Variants in ST6GALNAC3 observed in about 807,000 individuals in gnomAD.
ST6GALNAC3 encodes alpha-N-acetylgalactosaminide alpha-2,6-sialyltransferase 3.
ST6GALNAC3 carries 25 observed loss-of-function variants against 32.7 expected under a neutral mutation model. That is an observed-to-expected ratio of 0.76 (90% CI 0.56 to 1.07). The LOEUF (loss-of-function observed/expected upper bound fraction) is 1.07. Ranked by LOEUF, ST6GALNAC3 falls within the 50% of genes least tolerant of loss-of-function variation. The pLI is 0.00. For synonymous variants in ST6GALNAC3, 129 were observed against 133.1 expected, an observed-to-expected ratio of 0.97 and a Z score of 0.21; for missense variants, 355 against 382.4, an observed-to-expected ratio of 0.93 and a Z score of 0.60.
At chr1:76,246,399 G>T (rs116108919) in intron 1 of ST6GALNAC3, among the ~76,000 whole-genome samples, 3,425 of 152,218 alleles carry the variant, frequency 0.023, 139 homozygotes, top group African/African-American at 0.078. Context: ...GGGGCACTTG[G>T]CTCATTTACT....
intron 3 of ST6GALNAC3, among the ~76,000 whole-genome samples, chr1:76,434,546 A>C (rs1396966088): frequency 6.6e-6 from 1 of 152,230 alleles, no homozygotes; most frequent in Non-Finnish European, 1.5e-5. Context: ...GAATGTAGAC[A>C]TATTAACAAA....
At chr1:76,413,638 A>C (rs1415771723) in intron 3 of ST6GALNAC3, among the ~76,000 whole-genome samples, 1 of 152,132 alleles carries the variant, frequency 6.6e-6, no homozygotes, top group Non-Finnish European at 1.5e-5. Flanking sequence ...AAAAATACAC[A>C]GCTTCATATG....
chr1:76,103,585 G>A (rs1341678207), intron 1 of ST6GALNAC3, among the ~76,000 whole-genome samples: 3 of 152,086 alleles, frequency 2.0e-5, no homozygotes, highest in African/African-American at 4.8e-5. Context: ...CAAATTACTA[G>A]AGACTGGGTA....
intron 1 of ST6GALNAC3, among the ~76,000 whole-genome samples, chr1:76,155,624 C>T (rs935411479): frequency 6.7e-6 from 1 of 150,012 alleles, no homozygotes; most frequent in Non-Finnish European, 1.5e-5. Flanking sequence ...CCCGCCACTA[C>T]GCCTGGCTAA....
At chr1:76,313,577 T>C in intron 1 of ST6GALNAC3, 1 of 644,494 alleles carries the variant, frequency 1.6e-6, no homozygotes, top group Non-Finnish European at 2.8e-6. Context: ...AGGGTGGAGA[T>C]GCAATGGAAG....
At chr1:76,159,968 A>G (rs570986444) in intron 1 of ST6GALNAC3, among the ~76,000 whole-genome samples, 3 of 152,326 alleles carry the variant, frequency 2.0e-5, no homozygotes, top group African/African-American at 7.2e-5. Context: ...GTTAAGTTCC[A>G]GAGCCTGCCC....
chr1:76,360,506 A>C (rs914002993), intron 2 of ST6GALNAC3, among the ~76,000 whole-genome samples: 1 of 152,174 alleles, frequency 6.6e-6, no homozygotes, highest in Non-Finnish European at 1.5e-5. Context: ...TTTAGGCCCC[A>C]ATTTCAAATA....
At chr1:76,269,952 T>C (rs1658742284) in intron 1 of ST6GALNAC3, among the ~76,000 whole-genome samples, 1 of 152,084 alleles carries the variant, frequency 6.6e-6, no homozygotes, top group African/African-American at 2.4e-5. Flanking sequence ...TTCACCCTAA[T>C]GTGAAGCATG....
chr1:76,434,388 C>A (rs568947544), intron 3 of ST6GALNAC3, among the ~76,000 whole-genome samples: 1 of 152,246 alleles, frequency 6.6e-6, no homozygotes, highest in African/African-American at 2.4e-5. Context: ...TAAATATAAG[C>A]CCCTGTCCTA....
rs999083845 is a variant in ST6GALNAC3 at position 76,115,682 on chromosome 1, C to T, written c.18+40798C>T. Reference sequence around the variant, plus strand: ...GTGGACCACAGTTTGACTTTGTTTTCGGGGTTACCTTGGTGTAACAAAGCA... The same window carrying T: ...GTGGACCACAGTTTGACTTTGTTTTTGGGGTTACCTTGGTGTAACAAAGCA... On this transcript the variant is annotated intron_variant, in intron 1 of 4. Transcript: ENST00000328299. Among the ~76,000 whole-genome samples the T allele has an allele frequency of 5.3e-5, 8 of 152,066 alleles. No individual in the cohort carries two copies. The South Asian group carries it at 6.2e-4, about 12-fold the overall frequency.
intron 3 of ST6GALNAC3, among the ~76,000 whole-genome samples, chr1:76,455,483 A>G (rs924933519): frequency 7.2e-5 from 11 of 152,188 alleles, no homozygotes; most frequent in African/African-American, 2.7e-4. Flanking sequence ...CTAGAGAGAC[A>G]TTGAATTTTT....
At chr1:76,494,494 A>G (rs1322579437) in intron 3 of ST6GALNAC3, among the ~76,000 whole-genome samples, 1 of 102,230 alleles carries the variant, frequency 9.8e-6, no homozygotes, top group Non-Finnish European at 2.0e-5. Context: ...CACTTTCCCT[A>G]CTTTCTTCCA....
chr1:76,089,541 T>C (rs917309138), intron 1 of ST6GALNAC3, among the ~76,000 whole-genome samples: 1 of 152,256 alleles, frequency 6.6e-6, no homozygotes, highest in Admixed American at 6.5e-5. Context: ...GAGTTGTATG[T>C]ATCAAAAGGG....
chr1:76,584,272 G>A (rs1340385620), intron 3 of ST6GALNAC3, among the ~76,000 whole-genome samples: 1 of 152,160 alleles, frequency 6.6e-6, no homozygotes, highest in Non-Finnish European at 1.5e-5. Flanking sequence ...TCCCAGGTTG[G>A]ATTGTATTTG....
At chr1:76,085,730 A>C (rs1646956324) in intron 1 of ST6GALNAC3, among the ~76,000 whole-genome samples, 1 of 152,194 alleles carries the variant, frequency 6.6e-6, no homozygotes. Context: ...CTAGCACTGC[A>C]CATCTGGGAA....
intron 2 of ST6GALNAC3, among the ~76,000 whole-genome samples, chr1:76,335,797 C>T (rs572740882): frequency 1.1e-4 from 17 of 152,212 alleles, no homozygotes; most frequent in South Asian, 2.1e-4. Context: ...ATATCTCTTA[C>T]GATAAAAAAT....
chr1:76,185,583 A>G (rs556263687), intron 1 of ST6GALNAC3, among the ~76,000 whole-genome samples: 31 of 152,268 alleles, frequency 2.0e-4, no homozygotes, highest in African/African-American at 7.2e-4. Context: ...CTCACCCCTG[A>G]TGCATTTGCC....
At chr1:76,460,288 T>G (rs1331705852) in intron 3 of ST6GALNAC3, among the ~76,000 whole-genome samples, 1 of 152,216 alleles carries the variant, frequency 6.6e-6, no homozygotes, top group Non-Finnish European at 1.5e-5. Flanking sequence ...TTTAGAGATA[T>G]GTCAAGTCTT....
chr1:76,201,533 G>T (rs1329235564), intron 1 of ST6GALNAC3, among the ~76,000 whole-genome samples: 1 of 152,164 alleles, frequency 6.6e-6, no homozygotes, highest in Admixed American at 6.5e-5. Flanking sequence ...TGAATGTATA[G>T]GTGGTCCTAT....
Sources: gnomAD v4.1 joint callset for allele counts (sites outside exome capture counted in the v4.1 genomes callset) on GRCh38, gnomAD v4.1.1 for gene constraint, MANE v1.5 for transcripts, NCBI Gene and HGNC (gene_info 2026-07-23, HGNC 2026-07-21) for gene names.